The following MAP4K5 variants were observed in gnomAD, a reference collection of about 807,000 sequenced individuals.
The protein encoded by MAP4K5 is mitogen-activated protein kinase kinase kinase kinase 5, also known as MAPK/ERK kinase kinase kinase 5.
MAP4K5 carries 82 observed loss-of-function variants against 135.6 expected under a neutral mutation model. That is an observed-to-expected ratio of 0.60 (90% CI 0.51 to 0.73). The LOEUF (loss-of-function observed/expected upper bound fraction) is 0.73, where lower values mean the gene tolerates loss of function less well. Ranked by LOEUF, MAP4K5 falls within the 30% of genes least tolerant of loss-of-function variation. The pLI is 0.00. For synonymous variants in MAP4K5, 347 were observed against 335.0 expected, an observed-to-expected ratio of 1.04 and a Z score of -0.39; for missense variants, 907 against 1,010.9, an observed-to-expected ratio of 0.90 and a Z score of 1.39.
chr14:50,429,333 AC>A, intron 28 of MAP4K5, 73 bp from the exon 29 acceptor site: 1 of 875,710 alleles, frequency 1.1e-6, no homozygotes, highest in Non-Finnish European at 1.8e-6. Context: ...ATAAATTCTG[AC>A]TTTTGCTGTG....
intron 23 of MAP4K5, among the ~76,000 whole-genome samples, chr14:50,439,016 A>C (rs2036162765): frequency 1.3e-5 from 2 of 152,122 alleles, no homozygotes; most frequent in Non-Finnish European, 2.9e-5. Context: ...TTTTCATAAC[A>C]GTAATATAAA....
At chr14:50,464,596 G>C (rs1287628371) in intron 11 of MAP4K5, among the ~76,000 whole-genome samples, 1 of 152,164 alleles carries the variant, frequency 6.6e-6, no homozygotes. Flanking sequence ...AGCAATTTTA[G>C]CAACTAGAAG....
intron 3 of MAP4K5, among the ~76,000 whole-genome samples, chr14:50,487,318 A>G (rs1381840615): frequency 6.6e-6 from 1 of 152,186 alleles, no homozygotes; most frequent in African/African-American, 2.4e-5. Context: ...AAAACAAAAC[A>G]AAACAAAAAC....
intron 2 of MAP4K5, among the ~76,000 whole-genome samples, chr14:50,524,336 T>C (rs2038213964): frequency 6.6e-6 from 1 of 152,166 alleles, no homozygotes; most frequent in African/African-American, 2.4e-5. Context: ...AACTCTACTC[T>C]TAATGAACCC....
At chr14:50,519,429 C>T (rs1302784617) in intron 2 of MAP4K5, among the ~76,000 whole-genome samples, 1 of 151,966 alleles carries the variant, frequency 6.6e-6, no homozygotes, top group Non-Finnish European at 1.5e-5. Flanking sequence ...TCAAGAAGGG[C>T]AGATCACCTG....
At chr14:50,468,549 C>G (rs974596299) in intron 10 of MAP4K5, 102 bp downstream of exon 10, 3 of 1,208,836 alleles carry the variant, frequency 2.5e-6, no homozygotes, top group Non-Finnish European at 3.5e-6. Context: ...AATACCTTTA[C>G]TATTTTTCAT....
chr14:50,445,613 AGGCT>A (rs1285055393), intron 17 of MAP4K5, among the ~76,000 whole-genome samples: 1 of 152,182 alleles, frequency 6.6e-6, no homozygotes, highest in Non-Finnish European at 1.5e-5. Flanking sequence ...TCTGTCACCC[AGGCT>A]GGAGTGCAGT....
At chr14:50,519,636 A>G (rs1172209693) in intron 2 of MAP4K5, among the ~76,000 whole-genome samples, 1 of 152,190 alleles carries the variant, frequency 6.6e-6, no homozygotes, top group Non-Finnish European at 1.5e-5. Flanking sequence ...CCTGGGCGAC[A>G]AAGTGAGACT....
At chr14:50,518,260 A>G (rs1484544064) in intron 2 of MAP4K5, among the ~76,000 whole-genome samples, 1 of 152,136 alleles carries the variant, frequency 6.6e-6, no homozygotes, top group Admixed American at 6.5e-5. Context: ...TCCTAAACTC[A>G]TTAATTTTTT....
rs367826090 is a variant in MAP4K5, at chr14:50,437,490, T to C, written c.1868A>G (p.His623Arg). The change falls in exon 26 of 33, where the codon CAC becomes CGC. Residue 623 changes from histidine (H) to arginine (R), a missense_variant. Coordinates refer to ENST00000682126, the MANE Select transcript of MAP4K5 (RefSeq NM_006575.6). Reference protein sequence around the residue: ...TTKIPDTKGCHKCCIVRNPYT... With the variant: ...TTKIPDTKGCRKCCIVRNPYT... The stretch of plus-strand genomic sequence containing the variant: ...CATTTACTCACCTATGCAACATTTG[T>C]GGCAGCCTTTTGTATCAGGAATCTT... 13 of 1,601,790 alleles carry C rather than the reference T, an allele frequency of 8.1e-6. No homozygotes were observed. In the African/African-American group the frequency reaches 1.6e-4, roughly 20 times the overall value.
At chr14:50,560,383 A>G in intron 1 of MAP4K5, 1 of 1,536,832 alleles carries the variant, frequency 6.5e-7, no homozygotes, top group Non-Finnish European at 8.9e-7. Flanking sequence ...AGGGAGGGCC[A>G]AGGGCTGCTA....
intron 2 of MAP4K5, among the ~76,000 whole-genome samples, chr14:50,508,334 T>C (rs1487489241): frequency 6.6e-6 from 1 of 152,126 alleles, no homozygotes; most frequent in Non-Finnish European, 1.5e-5. Context: ...CCATCAATGA[T>C]AGACTGGACT....
chr14:50,531,858 C>T (rs1232960707), intron 2 of MAP4K5, 84 bp downstream of exon 2: 1 of 1,008,014 alleles, frequency 9.9e-7, no homozygotes, highest in African/African-American at 1.6e-5. Flanking sequence ...GCATCCTCCT[C>T]TCGCCCCAAT....
At chr14:50,501,072 C>T (rs181635680) in intron 3 of MAP4K5, among the ~76,000 whole-genome samples, 4 of 152,060 alleles carry the variant, frequency 2.6e-5, no homozygotes, top group Admixed American at 6.6e-5. Context: ...TTGGTCATGG[C>T]ATTTATAAAT....
Position 50,446,813 on chromosome 14 carries a change from TA to T in MAP4K5, c.1142+600del, listed in dbSNP as rs543665374. On this transcript the variant is annotated intron_variant, in intron 16 of 32. Transcript: ENST00000682126. The stretch of plus-strand genomic sequence containing the variant: ...TGTGAAAGCAGCCATGTACGATACA[TA>T]AACTAATAAGCATAGTTATATTCTA... Among the ~76,000 whole-genome samples the T allele has an allele frequency of 2.0e-5, 3 of 152,330 alleles. No individual in the cohort carries two copies. The East Asian group carries it at 5.8e-4, about 29-fold the overall frequency.
At chr14:50,475,017 T>C in intron 9 of MAP4K5, 60 bp downstream of exon 9, 2 of 1,363,886 alleles carry the variant, frequency 1.5e-6, no homozygotes, top group Non-Finnish European at 2.1e-6. Context: ...AGTATCGAGG[T>C]TGATCACAAA....
chr14:50,511,986 A>G (rs1053442440), intron 2 of MAP4K5, among the ~76,000 whole-genome samples: 1 of 152,130 alleles, frequency 6.6e-6, no homozygotes, highest in Non-Finnish European at 1.5e-5. Context: ...CTCATTACAT[A>G]TTTGTCAAAA....
In MAP4K5 at chr14:50,419,913, C is replaced by T. The variant is rs1007483179; in HGVS notation, c.*106G>A. On this transcript the variant is annotated 3_prime_UTR_variant, in exon 33 of 33. Coordinates refer to ENST00000682126, the MANE Select transcript of MAP4K5 (RefSeq NM_006575.6). Reference sequence around the variant, plus strand: ...AGTACAGATCATTTGCAATATAACCCATAATAGTTAAAGCAAATCATAGTG... The same window carrying T: ...AGTACAGATCATTTGCAATATAACCTATAATAGTTAAAGCAAATCATAGTG... 1.3e-6 allele frequency: 1 copy of T among 778,908 alleles called. No individual in the cohort carries two copies. Among genetic ancestry groups the T allele is most frequent in the Non-Finnish European group, 2.2e-6 (1 of 452,510 alleles). The allele number at this position is 778,908 out of a possible 1,614,324, so 48.2% of individuals were successfully genotyped here. A position where few individuals can be genotyped will look rare whatever the true frequency, so the allele number is the denominator to read the frequency against.
intron 1 of MAP4K5, among the ~76,000 whole-genome samples, chr14:50,552,497 A>T (rs979252136): frequency 6.6e-6 from 1 of 152,218 alleles, no homozygotes; most frequent in Non-Finnish European, 1.5e-5. Context: ...ATCATTCTTC[A>T]CAGAACTAGA....
Sources: allele counts gnomAD v4.1 joint callset (sites outside exome capture counted in the v4.1 genomes callset), GRCh38; gene constraint gnomAD v4.1.1; transcripts MANE v1.5; gene names NCBI Gene and HGNC (gene_info 2026-07-23, HGNC 2026-07-21).